PIWIL1: variants seen among roughly 807,000 people sequenced by gnomAD.
The protein encoded by PIWIL1 is piwi like RNA-mediated gene silencing 1.
A neutral mutation model predicts 114.4 loss-of-function variants in PIWIL1; 73 were observed. The observed-to-expected ratio is 0.64, with a 90% CI of 0.53 to 0.78. The LOEUF (loss-of-function observed/expected upper bound fraction) is 0.78. Ranked by LOEUF, PIWIL1 falls within the 30% of genes least tolerant of loss-of-function variation. PIWIL1 has a pLI of 0.00. For synonymous variants in PIWIL1, 375 were observed against 369.0 expected, an observed-to-expected ratio of 1.02 and a Z score of -0.19; for missense variants, 723 against 1,063.1, an observed-to-expected ratio of 0.68 and a Z score of 4.45.
the PIWIL1 span, chr12:130,412,597 T>A: frequency 3.7e-6 from 6 of 1,607,066 alleles, no homozygotes; most frequent in Non-Finnish European, 5.1e-6. Flanking sequence ...ACAGGGAAGG[T>A]CGAATAGGGG....
the PIWIL1 span, among the ~76,000 whole-genome samples, chr12:130,393,392 A>T: frequency 4.8e-4 from 72 of 149,820 alleles, no homozygotes; most frequent in East Asian, 1.2e-3. Flanking sequence ...TGACCCAGTC[A>T]CCGTCATCAC....
chr12:130,412,713 G>A, the PIWIL1 span: 6 of 1,613,784 alleles, frequency 3.7e-6, no homozygotes, highest in Non-Finnish European at 5.1e-6. Flanking sequence ...CAGAGACCAT[G>A]TTACAAGGAA....
the PIWIL1 span, among the ~76,000 whole-genome samples, chr12:130,381,940 G>A: frequency 6.6e-6 from 1 of 152,204 alleles, no homozygotes; most frequent in South Asian, 2.1e-4. Flanking sequence ...CTTGCCATCT[G>A]TGTGTCTTCT....
Position 130,356,623 on chromosome 12 carries a change from A to C in PIWIL1, c.1405-295A>C, listed in dbSNP as rs1428998769. Among the ~76,000 whole-genome samples the C allele has an allele frequency of 2.6e-5, 4 of 152,276 alleles. No individual in the cohort carries two copies. In the East Asian group the frequency reaches 7.7e-4, roughly 29 times the overall value. On this transcript the variant is annotated intron_variant, in intron 12 of 20. Coordinates refer to ENST00000245255, the MANE Select transcript of PIWIL1 (RefSeq NM_004764.5). ...AAGAAAGAGTAGCTATACTTGTAAG[A>C]TTTTTTAAAAGATTAAGGAGAATGC...
At chr12:130,390,072 C>T in the PIWIL1 span, among the ~76,000 whole-genome samples, 2 of 152,126 alleles carry the variant, frequency 1.3e-5, no homozygotes, top group Non-Finnish European at 2.9e-5. Context: ...AAATAGTAAC[C>T]AAGCTTAGTT....
At chr12:130,391,645 G>C in the PIWIL1 span, among the ~76,000 whole-genome samples, 8 of 152,266 alleles carry the variant, frequency 5.3e-5, no homozygotes, top group Middle Eastern at 3.4e-3. Flanking sequence ...CACGAGGCTG[G>C]AGGCAAAGAC....
chr12:130,403,126 TC>T, the PIWIL1 span, among the ~76,000 whole-genome samples: 47 of 152,192 alleles, frequency 3.1e-4, no homozygotes, highest in Non-Finnish European at 5.0e-4. Flanking sequence ...GAATTCGCTC[TC>T]TCGAGATGTT....
the PIWIL1 span, among the ~76,000 whole-genome samples, chr12:130,417,746 T>C: frequency 7.7e-4 from 117 of 152,318 alleles, no homozygotes; most frequent in African/African-American, 2.7e-3. Flanking sequence ...AAAGTTTATT[T>C]TAAGAAATCA....
At chr12:130,370,808 G>A (rs2073797587) in intron 19 of PIWIL1, among the ~76,000 whole-genome samples, 1 of 152,192 alleles carries the variant, frequency 6.6e-6, no homozygotes, top group African/African-American at 2.4e-5. Context: ...GCCCCCACAG[G>A]TCGTGCTTCC....
At chr12:130,420,597 T>TA in the PIWIL1 span, among the ~76,000 whole-genome samples, 24 of 151,444 alleles carry the variant, frequency 1.6e-4, no homozygotes, top group East Asian at 1.7e-3. This position sits in a 1 kb window ranked among gnomAD's most constrained non-coding sequence, Gnocchi z 4.3. Context: ...AATGCAGTTT[T>TA]AAAAAAAAAG....
At chr12:130,348,925 G>A (rs1249180170) in intron 7 of PIWIL1, among the ~76,000 whole-genome samples, 1 of 152,046 alleles carries the variant, frequency 6.6e-6, no homozygotes, top group Non-Finnish European at 1.5e-5. Context: ...AAATATTGCA[G>A]CCCAACAGGT....
At chr12:130,376,108 T>C (rs1194001761), downstream of PIWIL1, among the ~76,000 whole-genome samples, 1 of 152,168 alleles carries the variant, frequency 6.6e-6, no homozygotes, top group East Asian at 1.9e-4. Context: ...CCAGGCCCAG[T>C]TTCCTCCCTG....
intron 9 of PIWIL1, 27 bp from the exon 10 acceptor site, chr12:130,354,510 A>G (rs755473652): frequency 3.1e-6 from 5 of 1,613,852 alleles, no homozygotes; most frequent in Admixed American, 1.7e-5. Context: ...TTTGCCGTGA[A>G]CAGCGACCCT....
At chr12:130,343,865 G>A (rs1402112036) in intron 3 of PIWIL1, among the ~76,000 whole-genome samples, 1 of 152,144 alleles carries the variant, frequency 6.6e-6, no homozygotes, top group Admixed American at 6.5e-5. Flanking sequence ...CTGACCTCGT[G>A]ATCCTCCCGG....
rs757275031 is a variant in PIWIL1, at chr12:130,367,272, G to C, written c.2321+14G>C. On this transcript the variant is annotated intron_variant, in intron 19 of 20. Transcript: ENST00000245255. ...CAGACCAGAATGGTAAGTTCCATGTGATGAGCTGAAGGTTGTTTTCTCCTT... is the reference window on the plus strand; with the variant it reads ...CAGACCAGAATGGTAAGTTCCATGTCATGAGCTGAAGGTTGTTTTCTCCTT... The C allele has an allele frequency of 7.5e-6, 12 of 1,605,772 alleles. No individual in the cohort carries two copies. Among genetic ancestry groups the C allele is most frequent in the Non-Finnish European group, 1.0e-5 (12 of 1,173,946 alleles).
the PIWIL1 span, chr12:130,424,720 G>C: frequency 8.1e-7 from 1 of 1,232,128 alleles, no homozygotes; most frequent in Non-Finnish European, 1.0e-6. This position sits in a 1 kb window ranked among gnomAD's most constrained non-coding sequence, Gnocchi z 9.8. Context: ...CCTGCACCCT[G>C]CTTGTGTAGC....
chr12:130,422,816 TTGCTGC>T, the PIWIL1 span, among the ~76,000 whole-genome samples: 1 of 152,136 alleles, frequency 6.6e-6, no homozygotes, highest in Admixed American at 6.5e-5. This position sits in a 1 kb window ranked among gnomAD's most constrained non-coding sequence, Gnocchi z 5.2. Context: ...TCTCTTTTGG[TTGCTGC>T]TGCTGGTGCT....
chr12:130,392,619 T>G, the PIWIL1 span, among the ~76,000 whole-genome samples: 1 of 114,152 alleles, frequency 8.8e-6, no homozygotes, highest in African/African-American at 3.2e-5. Flanking sequence ...TCATCACGTG[T>G]CTGTCAGTTA....
chr12:130,393,314 G>T, the PIWIL1 span, among the ~76,000 whole-genome samples: 3,581 of 147,320 alleles, frequency 0.024, 134 homozygotes, highest in Middle Eastern at 0.08. Flanking sequence ...AATATTGAAT[G>T]TTGTGATGAC....
Sources: allele counts gnomAD v4.1 joint callset (sites outside exome capture counted in the v4.1 genomes callset), GRCh38; gene constraint gnomAD v4.1.1; non-coding constraint Gnocchi (gnomAD v3.1); transcripts MANE v1.5; gene names NCBI Gene and HGNC (gene_info 2026-07-23, HGNC 2026-07-21).